The following PARP14 variants were observed in gnomAD, a reference collection of about 807,000 sequenced individuals.
PARP14 encodes the protein poly(ADP-ribose) polymerase family member 14.
PARP14 carries 59 observed loss-of-function variants against 154.2 expected under a neutral mutation model. That is an observed-to-expected ratio of 0.38 (90% confidence interval 0.31 to 0.48). The LOEUF (loss-of-function observed/expected upper bound fraction) is 0.48, where lower values mean the gene tolerates loss of function less well. Ranked by LOEUF, PARP14 falls within the 20% of genes least tolerant of loss-of-function variation. The probability of loss-of-function intolerance (pLI) is 0.98; values close to 1 mark genes in which losing one functional copy is unlikely to be tolerated. For missense variants in PARP14, 1,734 were observed against 2,131.6 expected (o/e 0.81, Z 3.67); for synonymous variants, 720 against 780.5 (o/e 0.92, Z 1.29).
intron 15 of PARP14, chr3:122,722,140 C>T (rs1006166789): frequency 6.6e-6 from 1 of 152,174 alleles, no homozygotes; most frequent in African/African-American, 2.4e-5. Context: ...TGAGAGATTT[C>T]TCTTGTGGAT....
At position 122,727,997 on chromosome 3, in the gene PARP14, G is replaced by C. The variant is rs373983074; in HGVS notation, c.5116+11G>C. The C allele has an allele frequency of 1.1e-5, 18 of 1,602,636 alleles. No individual in the cohort carries two copies. The highest frequency in any genetic ancestry group is 1.5e-5 in the Non-Finnish European group (18 of 1,173,342). ...ATGCCGGAAAGAATGGTAAGGAAGC[G>C]AGTAATCTGGCTGCTTGGAATGAGG... On this transcript the variant is annotated intron_variant, in intron 16 of 16. Coordinates refer to ENST00000474629, the MANE Select transcript of PARP14 (RefSeq NM_017554.3).
intron 1 of PARP14, among the ~76,000 whole-genome samples, chr3:122,684,260 T>C (rs1354858016): frequency 2.6e-5 from 4 of 152,184 alleles, no homozygotes; most frequent in African/African-American, 9.7e-5. Context: ...CAAAAACTCC[T>C]TTTTTCCCTG....
Position 122,714,314 on chromosome 3 carries a change from C to G in PARP14, c.3885C>G (p.Cys1295Trp), listed in dbSNP as rs1422051443. ...TCACCGGAGGTGGATTTTTGAGGTGCAAGAATATCATTCATGTAATTGGTG... is the reference window on the plus strand; with the variant it reads ...TCACCGGAGGTGGATTTTTGAGGTGGAAGAATATCATTCATGTAATTGGTG... Reference protein sequence around the residue: ...YIITGGGFLRCKNIIHVIGGN... With the variant: ...YIITGGGFLRWKNIIHVIGGN... The change falls in exon 12 of 17, where the codon TGC (cysteine) becomes TGG (tryptophan). Residue 1295 changes from cysteine to tryptophan, a missense_variant. Transcript: ENST00000474629. The G allele has an allele frequency of 1.2e-6, 2 of 1,600,198 alleles. No homozygotes were observed. Among genetic ancestry groups the G allele is most frequent in the Non-Finnish European group, 1.7e-6 (2 of 1,175,550 alleles).
At chr3:122,714,112 G>A in intron 11 of PARP14, 150 bp from the exon 12 acceptor site, 2 of 768,092 alleles carry the variant, frequency 2.6e-6, no homozygotes, top group African/African-American at 3.6e-5. Context: ...TAAAAGTAAA[G>A]TTAAGTCATA....
In PARP14 at chr3:122,720,385, G is replaced by A. The variant is rs1226562090; in HGVS notation, c.4938G>A (p.Glu1646=). 1 of 1,612,820 alleles carries A rather than the reference G, an allele frequency of 6.2e-7. No homozygotes were observed. Among genetic ancestry groups the A allele is most frequent in the East Asian group, 2.2e-5 (1 of 44,878 alleles). The stretch of plus-strand genomic sequence containing the variant: ...AGACCTGCTCACACTTCAGAATAGA[G>A]AAGGTAAGCCTTCTGCTAGAATGCA... ...FNQTCSHFRI[E]KIERIQNPDL... The change falls in exon 15 of 17, where the codon GAG becomes GAA. Residue 1646 remains glutamate (E), a synonymous_variant. Transcript: ENST00000474629.
chr3:122,726,966 A>G (rs1933303199), intron 15 of PARP14, among the ~76,000 whole-genome samples: 1 of 150,600 alleles, frequency 6.6e-6, no homozygotes, highest in South Asian at 2.1e-4. Flanking sequence ...TGCGAATTGT[A>G]TCTTAATTAA....
In PARP14 at chr3:122,728,492, T is replaced by C. The variant is rs759254053; in HGVS notation, c.5301T>C (p.Thr1767=). The C allele has an allele frequency of 5.0e-6, 8 of 1,613,794 alleles. No homozygotes were observed. The East Asian group carries it at 1.8e-4, about 36-fold the overall frequency. ...VPPSKNPQNP[T]DLYDTVTDNV... is the part of the protein sequence containing the mutation. ...CTTCAAAGAACCCTCAAAATCCTACTGACCTGTATGACACTGTCACAGATA... is the reference window on the plus strand; with the variant it reads ...CTTCAAAGAACCCTCAAAATCCTACCGACCTGTATGACACTGTCACAGATA... The change falls in exon 17 of 17, where the codon ACT becomes ACC. Residue 1767 remains threonine (T), a synonymous_variant. Transcript: ENST00000474629.
Position 122,700,288 on chromosome 3 carries a change from C to G in PARP14, c.1734C>G (p.Thr578=), listed in dbSNP as rs147328800. The part of the protein sequence containing the change: ...YELEGTTVLL[T]SCSSEALLEA... Reference sequence around the variant, plus strand: ...TAGAGGGTACAACTGTTCTCTTAACCAGCTGTTCTTCTGAAGCCCTGTTAG... The same window carrying G: ...TAGAGGGTACAACTGTTCTCTTAACGAGCTGTTCTTCTGAAGCCCTGTTAG... Residue 578 remains threonine (T), a synonymous_variant, in exon 6 of 17, where the codon ACC becomes ACG. Transcript: ENST00000474629. 6.4e-4 allele frequency: 1,029 copies of G among 1,613,300 alleles called. 7 individuals carry two copies. In the African/African-American group the frequency reaches 0.013, roughly 20 times the overall value.
intron 9 of PARP14, among the ~76,000 whole-genome samples, chr3:122,712,338 G>A (rs1044200372): frequency 6.6e-6 from 1 of 151,700 alleles, no homozygotes; most frequent in Admixed American, 6.6e-5. Context: ...CCGCCTCCCG[G>A]GTTCAAGTGA....
At chr3:122,715,655 GATCT>G (rs1932980371) in intron 12 of PARP14, among the ~76,000 whole-genome samples, 1 of 101,544 alleles carries the variant, frequency 9.8e-6, no homozygotes, top group African/African-American at 3.6e-5. Flanking sequence ...TCTATCTATC[GATCT>G]GTCTATCTAT....
intron 1 of PARP14, chr3:122,683,366 A>G (rs1488664855): frequency 4.2e-6 from 3 of 718,570 alleles, no homozygotes; most frequent in Non-Finnish European, 5.1e-6. Flanking sequence ...GATAACAAGA[A>G]TGAGCCCACC....
In PARP14 at chr3:122,700,008, G is replaced by A; in HGVS notation, c.1454G>A (p.Ser485Asn). 3 of 1,613,934 alleles carry A rather than the reference G, an allele frequency of 1.9e-6. No homozygotes were observed. The highest frequency in any genetic ancestry group is 1.7e-6 in the Non-Finnish European group (2 of 1,179,810). Reference sequence around the variant, plus strand: ...AGGTATTTTCTTTTGTGTCACAGCAGTCTACTGGACCATTTACTCACGGAG... The same window carrying A: ...AGGTATTTTCTTTTGTGTCACAGCAATCTACTGGACCATTTACTCACGGAG... Reference protein sequence around the residue: ...PGRYFLLCHSSLLDHLLTECP... With the variant: ...PGRYFLLCHSNLLDHLLTECP... The change falls in exon 6 of 17, where the codon AGT becomes AAT. Residue 485 changes from serine (S) to asparagine (N), a missense_variant. Transcript: ENST00000474629.
intron 12 of PARP14, among the ~76,000 whole-genome samples, chr3:122,716,004 G>T (rs1932987293): frequency 6.6e-6 from 1 of 152,170 alleles, no homozygotes; most frequent in African/African-American, 2.4e-5. Flanking sequence ...ATAAATCAGG[G>T]TTAGTGGGTT....
At chr3:122,689,852 A>C (rs928839464) in intron 3 of PARP14, among the ~76,000 whole-genome samples, 2 of 152,138 alleles carry the variant, frequency 1.3e-5, no homozygotes, top group African/African-American at 4.8e-5. Flanking sequence ...TTCTGGATCT[A>C]GTCTGCTTTT....
At chr3:122,687,187 G>A in intron 3 of PARP14, 74 bp downstream of exon 3, 1 of 1,023,378 alleles carries the variant, frequency 9.8e-7, no homozygotes, top group Non-Finnish European at 1.5e-6. Flanking sequence ...ACTTGAGGGA[G>A]TCAGCCCTCT....
At chr3:122,687,937 T>C (rs1938423140) in intron 3 of PARP14, among the ~76,000 whole-genome samples, 1 of 152,218 alleles carries the variant, frequency 6.6e-6, no homozygotes, top group African/African-American at 2.4e-5. Flanking sequence ...TTTTGGAAAA[T>C]GGCACTAGAG....
chr3:122,694,998 T>C (rs1405093832), intron 4 of PARP14, among the ~76,000 whole-genome samples: 1 of 152,218 alleles, frequency 6.6e-6, no homozygotes, highest in East Asian at 1.9e-4. Context: ...ATAAAATGAA[T>C]GGCAGGGAAT....
chr3:122,704,599 G>A lies in PARP14; in HGVS notation c.3391G>A (p.Ala1131Thr). 6.2e-7 allele frequency: 1 copy of A among 1,608,264 alleles called. No homozygotes were observed. The change falls in exon 8 of 17, where the codon GCA (alanine) becomes ACA (threonine). Residue 1131 changes from alanine (A) to threonine (T), a missense_variant. By Grantham distance (58) the Ala-to-Thr change is moderately conservative (BLOSUM62 0). Around this residue, in one of 2 missense-constraint regions of PARP14, gnomAD observed 1,646 missense variants for 1,976.0 expected, o/e 0.83. Transcript: ENST00000474629. ...GTCCTTAAAATCAATTGCATTTCCA[G>A]CAATAGGAACAGGAAACTTGGGATT... ...SLSLKSIAFPAIGTGNLGFPK... is the reference protein window; with the variant it reads ...SLSLKSIAFPTIGTGNLGFPK...
At position 122,728,001 on chromosome 3, in the gene PARP14, A is replaced by T; in HGVS notation, c.5116+15A>T. 1 of 1,600,068 alleles carries T rather than the reference A, an allele frequency of 6.2e-7. No individual in the cohort carries two copies. Among genetic ancestry groups the T allele is most frequent in the East Asian group, 2.2e-5 (1 of 44,664 alleles). The stretch of plus-strand genomic sequence containing the variant: ...CGGAAAGAATGGTAAGGAAGCGAGT[A>T]ATCTGGCTGCTTGGAATGAGGCATC... On this transcript the variant is annotated intron_variant, in intron 16 of 16. Coordinates refer to ENST00000474629, the MANE Select transcript of PARP14 (RefSeq NM_017554.3).
Sources: gnomAD v4.1 joint callset for allele counts (sites outside exome capture counted in the v4.1 genomes callset) on GRCh38, gnomAD v4.1.1 for gene constraint, gnomAD v4.1.1 regional missense constraint, MANE v1.5 for transcripts, NCBI Gene and HGNC (gene_info 2026-07-23, HGNC 2026-07-21) for gene names.